Variants in CADPS observed in about 807,000 individuals in gnomAD.
The protein encoded by CADPS is calcium dependent secretion activator, also known as calcium-dependent secretion activator 1.
In CADPS, 57 loss-of-function variants were observed where a neutral mutation model predicts 167.3. The observed-to-expected ratio is 0.34, with a 90% CI of 0.28 to 0.42. The LOEUF (loss-of-function observed/expected upper bound fraction) is 0.42. CADPS is among the 20% of genes least tolerant of loss of function. The pLI is 1.00. For missense variants in CADPS, 1,414 were observed against 1,738.1 expected (o/e 0.81, Z 3.32); for synonymous variants, 676 against 635.3 (o/e 1.06, Z -0.96).
intron 6 of CADPS, among the ~76,000 whole-genome samples, chr3:62,635,649 T>G (rs1251178867): frequency 1.0e-3 from 6 of 5,848 alleles, no homozygotes; most frequent in African/African-American, 2.4e-3. Flanking sequence ...TTTCTCTGTT[T>G]TTTTTTTTTT....
At chr3:62,454,029 AC>A (rs1275666152) in intron 26 of CADPS, among the ~76,000 whole-genome samples, 1 of 152,178 alleles carries the variant, frequency 6.6e-6, no homozygotes, top group Admixed American at 6.5e-5. Flanking sequence ...TAAGTAGCTC[AC>A]CAGATGTCCA....
At chr3:62,670,367 G>T (rs561750353) in intron 3 of CADPS, among the ~76,000 whole-genome samples, 17 of 152,172 alleles carry the variant, frequency 1.1e-4, no homozygotes, top group African/African-American at 4.1e-4. Context: ...ACATTCTGTT[G>T]TTACAAAAAA....
chr3:62,574,569 A>T (rs1171403754), intron 8 of CADPS, among the ~76,000 whole-genome samples: 1 of 152,222 alleles, frequency 6.6e-6, no homozygotes, highest in Non-Finnish European at 1.5e-5. Context: ...TGTCCTGGTC[A>T]GTGCTTAAAA....
Position 62,618,311 on chromosome 3 carries a change from T to G in CADPS, c.1326-25563A>C, listed in dbSNP as rs373441425. 5.9e-5 allele frequency among the ~76,000 whole-genome samples: 9 copies of G among 152,084 alleles called. No homozygotes were observed. In the East Asian group the frequency reaches 7.7e-4, roughly 13 times the overall value. On this transcript the variant is annotated intron_variant, in intron 6 of 29. Coordinates refer to ENST00000383710, the MANE Select transcript of CADPS (RefSeq NM_003716.4). ...TTGAGCATCTGGATCCAGTCATGCC[T>G]ATAGCCCTAAACTCTTCATTTATAT...
At chr3:62,826,044 T>C (rs187049478) in intron 1 of CADPS, among the ~76,000 whole-genome samples, 2 of 152,354 alleles carry the variant, frequency 1.3e-5, no homozygotes, top group African/African-American at 4.8e-5. Flanking sequence ...AAAAATGGGC[T>C]GCTGTGCCTG....
intron 6 of CADPS, among the ~76,000 whole-genome samples, chr3:62,634,779 T>C (rs1026255636): frequency 2.4e-4 from 36 of 152,210 alleles, no homozygotes; most frequent in African/African-American, 7.5e-4. Flanking sequence ...TGTCTATTGT[T>C]TGTGCCATTA....
intron 1 of CADPS, among the ~76,000 whole-genome samples, chr3:62,853,729 G>T (rs1294137780): frequency 6.6e-6 from 1 of 152,094 alleles, no homozygotes; most frequent in Non-Finnish European, 1.5e-5. Flanking sequence ...GGGAGCCTGA[G>T]GCAGGCAGAT....
At chr3:62,688,984 C>A (rs2078594643) in intron 3 of CADPS, among the ~76,000 whole-genome samples, 1 of 152,024 alleles carries the variant, frequency 6.6e-6, no homozygotes, top group African/African-American at 2.4e-5. Context: ...GAAAAAAAAT[C>A]TTTCCAGCGT....
chr3:62,639,380 C>CA (rs1406036297), intron 6 of CADPS, among the ~76,000 whole-genome samples: 4 of 152,142 alleles, frequency 2.6e-5, no homozygotes, highest in Non-Finnish European at 5.9e-5. Context: ...CATGGAGTGT[C>CA]AAGACAGGAA....
At chr3:62,415,121 T>C (rs1197761889) in intron 28 of CADPS, among the ~76,000 whole-genome samples, 1 of 151,546 alleles carries the variant, frequency 6.6e-6, no homozygotes, top group African/African-American at 2.4e-5. Context: ...TTTCCCTCTT[T>C]CTCTACACGC....
intron 11 of CADPS, among the ~76,000 whole-genome samples, chr3:62,541,192 T>C (rs1180784381): frequency 6.6e-6 from 1 of 152,148 alleles, no homozygotes; most frequent in Non-Finnish European, 1.5e-5. Context: ...ATTTCAATCA[T>C]CTTTACCTGT....
At chr3:62,594,121 ATTTT>A (rs879469661) in intron 6 of CADPS, among the ~76,000 whole-genome samples, 9 of 144,056 alleles carry the variant, frequency 6.2e-5, no homozygotes, top group African/African-American at 1.5e-4. Context: ...GCTCATTATG[ATTTT>A]TTTTATTTTT....
intron 6 of CADPS, among the ~76,000 whole-genome samples, chr3:62,637,553 G>C (rs1272118883): frequency 2.0e-5 from 3 of 152,196 alleles, no homozygotes; most frequent in Non-Finnish European, 4.4e-5. Flanking sequence ...ACCTGTGCTG[G>C]TGTGTGCGCC....
At chr3:62,474,497 C>G (rs147629881) in intron 23 of CADPS, among the ~76,000 whole-genome samples, 177 bp from the exon 24 acceptor site, 1 of 152,106 alleles carries the variant, frequency 6.6e-6, no homozygotes, top group Non-Finnish European at 1.5e-5. Flanking sequence ...GGCCTATTCA[C>G]GGAGACAGAC....
intron 2 of CADPS, among the ~76,000 whole-genome samples, chr3:62,758,275 A>G (rs1385178767): frequency 1.3e-5 from 2 of 152,190 alleles, no homozygotes; most frequent in Non-Finnish European, 2.9e-5. Context: ...GGAGGGATCT[A>G]TCTGTCCTGT....
chr3:62,526,897 G>A (rs1353678295), intron 13 of CADPS, among the ~76,000 whole-genome samples: 2 of 152,114 alleles, frequency 1.3e-5, no homozygotes, highest in Non-Finnish European at 2.9e-5. Flanking sequence ...CCAGGCATTA[G>A]CATTTTTACC....
At chr3:62,534,887 A>G (rs1407774696) in intron 12 of CADPS, among the ~76,000 whole-genome samples, 1 of 152,182 alleles carries the variant, frequency 6.6e-6, no homozygotes, top group Non-Finnish European at 1.5e-5. Context: ...ATTCTGGACC[A>G]TAATTTTAAG....
At chr3:62,598,127 G>A (rs916582459) in intron 6 of CADPS, among the ~76,000 whole-genome samples, 9 of 152,174 alleles carry the variant, frequency 5.9e-5, no homozygotes, top group Admixed American at 2.0e-4. Context: ...ACACAAGCTC[G>A]AAGATAAAAT....
intron 27 of CADPS, chr3:62,439,110 C>T (rs2055772564): frequency 6.6e-6 from 1 of 151,934 alleles, no homozygotes; most frequent in Non-Finnish European, 1.5e-5. Flanking sequence ...GGAGAGTGGC[C>T]ACAAACCCCT....
Sources: gnomAD v4.1 joint callset for allele counts (sites outside exome capture counted in the v4.1 genomes callset) on GRCh38, gnomAD v4.1.1 for gene constraint, MANE v1.5 for transcripts, NCBI Gene and HGNC (gene_info 2026-07-23, HGNC 2026-07-21) for gene names.